The following RBFOX3 variants were observed in gnomAD, a reference collection of about 807,000 sequenced individuals.
RBFOX3 encodes RNA binding fox-1 homolog 3, also known as RNA binding protein fox-1 homolog 3.
In RBFOX3, 17 loss-of-function variants were observed where a neutral mutation model predicts 48.7. That is an observed-to-expected ratio of 0.35 (90% CI 0.24 to 0.52). RBFOX3 has a LOEUF of 0.52. RBFOX3 is among the 20% of genes least tolerant of loss of function. The pLI, the probability that RBFOX3 is intolerant of heterozygous loss-of-function variation, is 0.94. For synonymous variants in RBFOX3, 212 were observed against 209.5 expected, an observed-to-expected ratio of 1.01 and a Z score of -0.10; for missense variants, 382 against 497.5, an observed-to-expected ratio of 0.77 and a Z score of 2.21.
the RBFOX3 span, among the ~76,000 whole-genome samples, chr17:79,653,472 T>C: frequency 6.6e-6 from 1 of 152,210 alleles, no homozygotes; most frequent in Non-Finnish European, 1.5e-5. Flanking sequence ...GTTATCATTG[T>C]TATAGTAAGA....
Position 79,090,715 on chromosome 17 carries a change from CGT to C in RBFOX3, c.*166_*167del, listed in dbSNP as rs1363401561. On this transcript the variant is annotated 3_prime_UTR_variant, in exon 15 of 15. Transcript: ENST00000693108. ...TGCCGGCGTGCTCCCTCGGTGCGGG[CGT>C]GTGGCCAGGACGCGGGACTTGGACT... 1.2e-6 allele frequency: 1 copy of C among 838,850 alleles called. No homozygotes were observed. Among genetic ancestry groups the C allele is most frequent in the African/African-American group, 1.7e-5 (1 of 57,644 alleles). 52.0% of individuals were successfully genotyped at this position (838,850 alleles called of 1,614,324 possible).
intron 2 of RBFOX3, among the ~76,000 whole-genome samples, chr17:79,325,414 C>T (rs534108750): frequency 7.2e-5 from 11 of 152,214 alleles, no homozygotes; most frequent in Admixed American, 2.0e-4. Flanking sequence ...TTGAGGAGCC[C>T]GGCAGCACTG....
intron 2 of RBFOX3, among the ~76,000 whole-genome samples, chr17:79,373,889 ACTCTTGT>A (rs1200706828): frequency 2.0e-5 from 2 of 99,388 alleles, no homozygotes; most frequent in Non-Finnish European, 5.1e-5. Flanking sequence ...ACTGAGTCTC[ACTCTTGT>A]CGCCCAGGCT....
At chr17:79,377,476 C>T (rs1302258210) in intron 2 of RBFOX3, among the ~76,000 whole-genome samples, 2 of 152,230 alleles carry the variant, frequency 1.3e-5, no homozygotes, top group Non-Finnish European at 2.9e-5. Context: ...CACACACACA[C>T]CATGCTCAGC....
At chr17:79,370,673 CAT>C (rs2058418207) in intron 2 of RBFOX3, among the ~76,000 whole-genome samples, 2 of 152,160 alleles carry the variant, frequency 1.3e-5, no homozygotes, top group Non-Finnish European at 1.5e-5. Context: ...CAGGCACACA[CAT>C]GTACACATCT....
the RBFOX3 span, among the ~76,000 whole-genome samples, chr17:79,643,028 A>G: frequency 3.2e-4 from 49 of 152,300 alleles, no homozygotes; most frequent in African/African-American, 1.0e-3. Context: ...CTCAAGCCCA[A>G]GAGTTCAAGG....
chr17:79,236,799 C>T (rs1042807336), intron 3 of RBFOX3, among the ~76,000 whole-genome samples: 6 of 152,144 alleles, frequency 3.9e-5, no homozygotes, highest in African/African-American at 7.2e-5. Context: ...GGACTCCACA[C>T]GAGTGCCTGG....
At chr17:79,357,154 T>C (rs1349664240) in intron 2 of RBFOX3, among the ~76,000 whole-genome samples, 1 of 152,240 alleles carries the variant, frequency 6.6e-6, no homozygotes, top group Non-Finnish European at 1.5e-5. Flanking sequence ...GCTGCTGCTC[T>C]TGCACACACA....
chr17:79,575,486 G>A (rs943569951), intron 1 of RBFOX3, among the ~76,000 whole-genome samples: 14 of 152,176 alleles, frequency 9.2e-5, no homozygotes, highest in Non-Finnish European at 1.5e-4. Flanking sequence ...ATAGGTAGGA[G>A]CTCCATCTTC....
At chr17:79,358,888 C>T (rs1015164797) in intron 2 of RBFOX3, among the ~76,000 whole-genome samples, 2 of 152,208 alleles carry the variant, frequency 1.3e-5, no homozygotes, top group East Asian at 1.9e-4. Flanking sequence ...GCCAATTGCT[C>T]GAGAGCCACT....
At chr17:79,308,921 C>G (rs1211177475) in intron 2 of RBFOX3, among the ~76,000 whole-genome samples, 3 of 152,026 alleles carry the variant, frequency 2.0e-5, no homozygotes, top group African/African-American at 7.3e-5. Flanking sequence ...GAGTTCAAGA[C>G]CAGTCTGACG....
chr17:79,218,023 A>T (rs1262918472), intron 4 of RBFOX3, among the ~76,000 whole-genome samples: 1 of 151,906 alleles, frequency 6.6e-6, no homozygotes, highest in Non-Finnish European at 1.5e-5. Context: ...AAGTCGGGGT[A>T]GAGGGAGGCA....
At chr17:79,310,262 G>GA (rs1285130888) in intron 2 of RBFOX3, among the ~76,000 whole-genome samples, 1 of 152,134 alleles carries the variant, frequency 6.6e-6, no homozygotes, top group African/African-American at 2.4e-5. Flanking sequence ...AAGCTTCCCT[G>GA]AAGGCCTGGG....
chr17:79,432,864 G>A (rs184766923), intron 2 of RBFOX3, among the ~76,000 whole-genome samples: 119 of 152,336 alleles, frequency 7.8e-4, no homozygotes, highest in Non-Finnish European at 1.3e-3. Context: ...CACAGCTCGC[G>A]AGGCTGGGTC....
At chr17:79,142,187 T>G (rs1163130553) in intron 4 of RBFOX3, among the ~76,000 whole-genome samples, 1 of 152,146 alleles carries the variant, frequency 6.6e-6, no homozygotes, top group African/African-American at 2.4e-5. Flanking sequence ...CCGTGACACT[T>G]TCATTTCACA....
chr17:79,502,693 G>A (rs1337563692), intron 1 of RBFOX3, among the ~76,000 whole-genome samples: 4 of 152,200 alleles, frequency 2.6e-5, no homozygotes, highest in African/African-American at 4.8e-5. Context: ...GGAGAAAAAC[G>A]GGGTTCCATT....
At chr17:79,659,280 A>G in the RBFOX3 span, among the ~76,000 whole-genome samples, 1 of 152,214 alleles carries the variant, frequency 6.6e-6, no homozygotes, top group Non-Finnish European at 1.5e-5. Flanking sequence ...TTTGGTGAAC[A>G]CAGGCATTGT....
intron 1 of RBFOX3, among the ~76,000 whole-genome samples, chr17:79,595,820 G>A (rs1210975243): frequency 3.3e-5 from 5 of 152,266 alleles, no homozygotes; most frequent in Non-Finnish European, 7.3e-5. Context: ...CAATCTGCCA[G>A]CGGAGAAATA....
intron 2 of RBFOX3, among the ~76,000 whole-genome samples, chr17:79,435,876 G>A (rs926206758): frequency 5.3e-5 from 8 of 152,214 alleles, no homozygotes; most frequent in African/African-American, 1.7e-4. Flanking sequence ...CTGTGTGCTC[G>A]GGGAATGCAA....
Sources: gnomAD v4.1 joint callset for allele counts (sites outside exome capture counted in the v4.1 genomes callset) on GRCh38, gnomAD v4.1.1 for gene constraint, MANE v1.5 for transcripts, NCBI Gene and HGNC (gene_info 2026-07-23, HGNC 2026-07-21) for gene names.